The following OTUD7A variants were observed in gnomAD, a reference collection of about 807,000 sequenced individuals.
OTUD7A encodes the protein OTU domain-containing protein 7A.
In OTUD7A, 12 loss-of-function variants were observed where a neutral mutation model predicts 65.7. That is an observed-to-expected ratio of 0.18 (90% confidence interval 0.12 to 0.30). The LOEUF (loss-of-function observed/expected upper bound fraction) is 0.30, where lower values mean the gene tolerates loss of function less well. Among genes scored for constraint, OTUD7A ranks in the 10% least tolerant of loss-of-function variants. The pLI is 1.00. For synonymous variants in OTUD7A, 641 were observed against 586.3 expected (o/e 1.09, Z -1.35); for missense variants, 1,148 against 1,304.8 (o/e 0.88, Z 1.85).
chr15:31,766,347 G>C, intron 1 of OTUD7A: 1 of 1,594,022 alleles, frequency 6.3e-7, no homozygotes, highest in Non-Finnish European at 8.6e-7. Context: ...TCTATGATTT[G>C]GTGGGGGAAA....
At chr15:31,712,052 C>T (rs1893460356) in intron 1 of OTUD7A, among the ~76,000 whole-genome samples, 1 of 151,710 alleles carries the variant, frequency 6.6e-6, no homozygotes, top group Non-Finnish European at 1.5e-5. Context: ...ACAAGAGTGA[C>T]CCTCCTGAGT....
At chr15:31,813,842 G>A (rs905052346) in intron 1 of OTUD7A, among the ~76,000 whole-genome samples, 14 of 152,234 alleles carry the variant, frequency 9.2e-5, no homozygotes, top group South Asian at 2.1e-4. Flanking sequence ...TCCTGCCTCC[G>A]CAGTGACACC....
rs149500265 is a variant in OTUD7A at position 31,526,427 on chromosome 15, C to T, written c.815G>A (p.Arg272Gln). 5.3e-5 allele frequency: 85 copies of T among 1,601,902 alleles called. No individual in the cohort carries two copies. The African/African-American group carries it at 7.7e-4, about 15-fold the overall frequency. Residue 272 changes from arginine to glutamine, a missense_variant, in exon 8 of 13, where the codon CGG becomes CAG. Around this residue, in one of 6 missense-constraint regions of OTUD7A, gnomAD observed 134 missense variants for 252.6 expected, o/e 0.53. Transcript: ENST00000307050. ...GLVYTEEEWE[R>Q]EWTELLKLAS... ...CAGCTTCAGCAGCTCCGTCCACTCC[C>T]GCTCCCACTCCTCCTCTGTGTACAC...
intron 1 of OTUD7A, among the ~76,000 whole-genome samples, chr15:31,791,521 T>C (rs1895815367): frequency 6.6e-6 from 1 of 152,072 alleles, no homozygotes; most frequent in South Asian, 2.1e-4. Context: ...CTTCTAGTTG[T>C]AGAATAGGGA....
rs534686290 is a variant in OTUD7A at position 31,639,044 on chromosome 15, G to A, written c.151+16052C>T. Among the ~76,000 whole-genome samples, 6 of 152,204 alleles carry A rather than the reference G, an allele frequency of 3.9e-5. No homozygotes were observed. In the East Asian group the frequency reaches 1.2e-3, roughly 29 times the overall value. ...AGCTACTCGGGAGGCTGAGGCAGGA[G>A]AATGGCGTGAACCCGGGAGGCAGAG... On this transcript the variant is annotated intron_variant, in intron 3 of 12. Coordinates refer to ENST00000307050, the MANE Select transcript of OTUD7A (RefSeq NM_001382637.1).
intron 1 of OTUD7A, among the ~76,000 whole-genome samples, chr15:31,668,886 T>A (rs535634383): frequency 6.6e-6 from 1 of 152,350 alleles, no homozygotes; most frequent in African/African-American, 2.4e-5. Flanking sequence ...AACTGTGGCT[T>A]CCTGCCAGCC....
chr15:31,675,061 G>T (rs1252548071), intron 1 of OTUD7A, among the ~76,000 whole-genome samples: 1 of 151,308 alleles, frequency 6.6e-6, no homozygotes, highest in Non-Finnish European at 1.5e-5. Context: ...ATAGACAAAG[G>T]TAAAATGACT....
chr15:31,825,626 C>T lies in OTUD7A; in HGVS notation c.-100+44881G>A, dbSNP rs373415410. 2.8e-4 allele frequency among the ~76,000 whole-genome samples: 42 copies of T among 152,308 alleles called. No individual in the cohort carries two copies. The South Asian group carries it at 7.5e-3, about 27-fold the overall frequency. On this transcript the variant is annotated intron_variant, in intron 1 of 12. Transcript: ENST00000307050. Reference sequence around the variant, plus strand: ...TCCTCACATTTCAAAACCAATCATGCCTTCCCAACAGTCCCCCAAAGTCTT... The same window carrying T: ...TCCTCACATTTCAAAACCAATCATGTCTTCCCAACAGTCCCCCAAAGTCTT...
intron 3 of OTUD7A, among the ~76,000 whole-genome samples, chr15:31,596,716 T>C (rs1018629676): frequency 6.6e-6 from 1 of 152,220 alleles, no homozygotes; most frequent in Admixed American, 6.5e-5. Flanking sequence ...TAATTTCTAT[T>C]TGCCTGATGA....
intron 1 of OTUD7A, among the ~76,000 whole-genome samples, chr15:31,869,976 G>C (rs1304096290): frequency 6.6e-6 from 1 of 152,028 alleles, no homozygotes; most frequent in Non-Finnish European, 1.5e-5. Flanking sequence ...ACCCAGCAGA[G>C]CGAGCGGGAC....
At chr15:31,569,482 G>A (rs1888978813) in intron 4 of OTUD7A, among the ~76,000 whole-genome samples, 1 of 152,246 alleles carries the variant, frequency 6.6e-6, no homozygotes, top group African/African-American at 2.4e-5. Flanking sequence ...AGGAGCAGGA[G>A]GAGACCACCA....
At chr15:31,801,526 A>G (rs1465885465) in intron 1 of OTUD7A, among the ~76,000 whole-genome samples, 1 of 152,234 alleles carries the variant, frequency 6.6e-6, no homozygotes, top group Non-Finnish European at 1.5e-5. Context: ...ATACAGAGGC[A>G]TTTTCTCAAA....
intron 1 of OTUD7A, among the ~76,000 whole-genome samples, chr15:31,789,204 A>G (rs1057035241): frequency 1.3e-5 from 2 of 152,168 alleles, no homozygotes; most frequent in Non-Finnish European, 2.9e-5. Context: ...ATCTCCTCCA[A>G]GCCCACACCT....
chr15:31,506,019 T>C (rs1024080197), intron 8 of OTUD7A, among the ~76,000 whole-genome samples: 18 of 152,256 alleles, frequency 1.2e-4, no homozygotes, highest in African/African-American at 4.1e-4. Context: ...ATTACAGACG[T>C]GAGCCACCAT....
intron 1 of OTUD7A, among the ~76,000 whole-genome samples, chr15:31,764,933 T>G (rs1417984762): frequency 3.9e-5 from 6 of 152,184 alleles, no homozygotes; most frequent in Non-Finnish European, 5.9e-5. Context: ...TTTAAGCATC[T>G]GATAGGTGTA....
intron 3 of OTUD7A, among the ~76,000 whole-genome samples, chr15:31,610,609 A>ATTTTTTTTT (rs1566942812): frequency 7.5e-5 from 3 of 39,786 alleles, no homozygotes; most frequent in Non-Finnish European, 1.3e-4. Context: ...ATATATATAT[A>ATTTTTTTTT]TATATATATT....
At chr15:31,502,033 G>A (rs1338208408) in intron 9 of OTUD7A, among the ~76,000 whole-genome samples, 194 bp from the exon 10 acceptor site, 4 of 152,188 alleles carry the variant, frequency 2.6e-5, no homozygotes, top group Admixed American at 2.6e-4. Flanking sequence ...CAGGACTCCT[G>A]CTGCCCTGAG....
At chr15:31,564,009 GATTA>G (rs1290823884) in intron 4 of OTUD7A, among the ~76,000 whole-genome samples, 1 of 152,082 alleles carries the variant, frequency 6.6e-6, no homozygotes, top group African/African-American at 2.4e-5. Context: ...AGGAGGACTA[GATTA>G]AAAAATGAGC....
intron 1 of OTUD7A, among the ~76,000 whole-genome samples, chr15:31,725,575 A>C (rs1239234902): frequency 6.6e-6 from 1 of 152,186 alleles, no homozygotes; most frequent in Non-Finnish European, 1.5e-5. Flanking sequence ...CAGTGACCAG[A>C]AGGATAGACT....
Sources: gnomAD v4.1 joint callset for allele counts (sites outside exome capture counted in the v4.1 genomes callset) on GRCh38, gnomAD v4.1.1 for gene constraint, gnomAD v4.1.1 regional missense constraint, MANE v1.5 for transcripts, NCBI Gene and HGNC (gene_info 2026-07-23, HGNC 2026-07-21) for gene names.